EEA1: variants seen among roughly 807,000 people sequenced by gnomAD.
EEA1 encodes early endosome antigen 1, 162kD.
Under a neutral mutation model 209.2 loss-of-function variants are expected in EEA1, and 111 were observed. That is an observed-to-expected ratio of 0.53 (90% CI 0.45 to 0.62). EEA1 has a LOEUF of 0.62. EEA1 is among the 20% of genes least tolerant of loss of function. The pLI is 0.00. For missense variants in EEA1, 1,343 were observed against 1,530.8 expected (o/e 0.88, Z 2.05); for synonymous variants, 536 against 540.6 (o/e 0.99, Z 0.12).
chr12:92,801,237 C>A (rs901866912), intron 20 of EEA1, among the ~76,000 whole-genome samples: 3 of 151,834 alleles, frequency 2.0e-5, no homozygotes, highest in Admixed American at 2.0e-4. Context: ...TATAGAAAGC[C>A]TTTTAAGATT....
chr12:92,833,415 C>A (rs1473604880), intron 10 of EEA1, among the ~76,000 whole-genome samples: 2 of 152,068 alleles, frequency 1.3e-5, no homozygotes, highest in East Asian at 3.8e-4. Flanking sequence ...AAGCTAATCA[C>A]CTGCCTTAAA....
At chr12:92,921,874 AAAAAAAAAAAAAG>A (rs1881020406) in intron 1 of EEA1, among the ~76,000 whole-genome samples, 1 of 148,906 alleles carries the variant, frequency 6.7e-6, no homozygotes, top group Admixed American at 6.7e-5. Flanking sequence ...CTCAAAAAAA[AAAAAAAAAAAAAG>A]AAAAAAAGAA....
chr12:92,883,200 T>G (rs2136745482), intron 2 of EEA1, among the ~76,000 whole-genome samples: 1 of 152,334 alleles, frequency 6.6e-6, no homozygotes. Context: ...TCTTGGCCAT[T>G]TGTATGTCTT....
chr12:92,858,213 C>T, intron 3 of EEA1: 3 of 706,808 alleles, frequency 4.2e-6, no homozygotes, highest in Non-Finnish European at 8.1e-6. Context: ...CCTTGATGCC[C>T]ACCTTCAACA....
At chr12:92,883,270 AT>A (rs1879235809) in intron 2 of EEA1, among the ~76,000 whole-genome samples, 1 of 152,002 alleles carries the variant, frequency 6.6e-6, no homozygotes, top group African/African-American at 2.4e-5. Context: ...TGCTTGTTCA[AT>A]TGTTTAAGTT....
rs192193527 is a variant in EEA1, at chr12:92,929,196, T to G, written c.-130A>C. ...CGGGAAGGAGGTCGGGGCGAGGCGG[T>G]GGCGACGGCCGCTCGGGCGGCCCCG... On this transcript the variant is annotated 5_prime_UTR_variant, in exon 1 of 29. Coordinates refer to ENST00000322349, the MANE Select transcript of EEA1 (RefSeq NM_003566.4). The G allele has an allele frequency of 1.2e-6, 1 of 862,428 alleles. No individual in the cohort carries two copies. Among genetic ancestry groups the G allele is most frequent in the Non-Finnish European group, 1.7e-6 (1 of 600,542 alleles). The allele number at this position is 862,428 out of a possible 1,614,324, so 53.4% of individuals were successfully genotyped here. A position where few individuals can be genotyped will look rare whatever the true frequency, so the allele number is the denominator to read the frequency against.
intron 3 of EEA1, among the ~76,000 whole-genome samples, chr12:92,860,396 T>C (rs754925507): frequency 3.9e-5 from 6 of 152,162 alleles, no homozygotes; most frequent in Non-Finnish European, 5.9e-5. Flanking sequence ...TACAGAGAAG[T>C]CAGCTTCCTT....
In EEA1 at chr12:92,891,671, A is replaced by C. The variant is rs1186906109; in HGVS notation, c.75T>G (p.Thr25=). The C allele has an allele frequency of 6.2e-7, 1 of 1,611,674 alleles. No individual in the cohort carries two copies. The highest frequency in any genetic ancestry group is 1.1e-5 in the South Asian group (1 of 90,584). ...TATTGACGTCCACTGTGTTTATAGG[A>C]GTTGCTGATGAATCTAAATCAGAAC... ...SQGSDLDSSA[T]PINTVDVNNE... is the part of the protein sequence containing the mutation. Residue 25 remains threonine (T), a synonymous_variant, in exon 2 of 29, where the codon ACT becomes ACG. Coordinates refer to ENST00000322349, the MANE Select transcript of EEA1 (RefSeq NM_003566.4).
intron 10 of EEA1, among the ~76,000 whole-genome samples, chr12:92,834,592 C>CAG (rs1324766997): frequency 1.5e-5 from 2 of 133,438 alleles, no homozygotes; most frequent in African/African-American, 5.5e-5. Context: ...GAGAGGATGA[C>CAG]AGACAGACTT....
intron 9 of EEA1, among the ~76,000 whole-genome samples, chr12:92,843,325 AT>A (rs1877252818): frequency 6.6e-6 from 1 of 151,758 alleles, no homozygotes; most frequent in Non-Finnish European, 1.5e-5. Context: ...CGCCCAGCTA[AT>A]TTTTTTATTT....
chr12:92,837,566 G>A (rs1272285100), intron 10 of EEA1, among the ~76,000 whole-genome samples: 1 of 152,134 alleles, frequency 6.6e-6, no homozygotes, highest in East Asian at 1.9e-4. Flanking sequence ...AGTGACTGTA[G>A]ATAAGCAATA....
chr12:92,835,400 CTTTTTTTTTTTTTTTTTTTT>C (rs140302130), intron 10 of EEA1: 1 of 147,936 alleles, frequency 6.8e-6, no homozygotes. Context: ...AGTTTCACTC[CTTTTTTTTTTTTTTTTTTTT>C]TTTTTTTTTG....
At position 92,787,815 on chromosome 12, in the gene EEA1, A is replaced by C. The variant is rs565453868; in HGVS notation, c.3150+52T>G. ...TTTGGATTCAAATAGATCATTTAAT[A>C]AATGTCTATAAAACTTACTGAGACT... On this transcript the variant is annotated intron_variant, in intron 22 of 28. Coordinates refer to ENST00000322349, the MANE Select transcript of EEA1 (RefSeq NM_003566.4). 19 of 1,324,480 alleles carry C rather than the reference A, an allele frequency of 1.4e-5. No individual in the cohort carries two copies. In the East Asian group the frequency reaches 4.6e-4, roughly 32 times the overall value. 82.0% of individuals were successfully genotyped at this position (1,324,480 alleles called of 1,614,324 possible). A position where few individuals can be genotyped will look rare whatever the true frequency, so the allele number is the denominator to read the frequency against.
chr12:92,881,623 G>A (rs577365168), intron 2 of EEA1, among the ~76,000 whole-genome samples: 14 of 152,084 alleles, frequency 9.2e-5, no homozygotes, highest in Non-Finnish European at 1.8e-4. Flanking sequence ...AGTAAGATGA[G>A]GACAAAGAAG....
At chr12:92,911,434 G>A (rs1289184728) in intron 1 of EEA1, among the ~76,000 whole-genome samples, 1 of 152,158 alleles carries the variant, frequency 6.6e-6, no homozygotes, top group African/African-American at 2.4e-5. Context: ...TTCTGGAAAA[G>A]GCAAAACTAT....
chr12:92,775,501 A>G lies in EEA1; in HGVS notation c.*510T>C, dbSNP rs1052023278. On this transcript the variant is annotated 3_prime_UTR_variant, in exon 29 of 29. Transcript: ENST00000322349. ...AACAATGCAACTGAACCATGAACCCACATATAAGAGAAAAAGGCAGAGGAA... is the reference window on the plus strand; with the variant it reads ...AACAATGCAACTGAACCATGAACCCGCATATAAGAGAAAAAGGCAGAGGAA... 1 of 152,178 alleles carries G rather than the reference A, an allele frequency of 6.6e-6. No homozygotes were observed. The highest frequency in any genetic ancestry group is 2.4e-5 in the African/African-American group (1 of 41,418). The allele number at this position is 152,178 out of a possible 1,614,324, so 9.4% of individuals were successfully genotyped here.
At chr12:92,778,880 A>T (rs1179405800) in intron 25 of EEA1, among the ~76,000 whole-genome samples, 1 of 152,032 alleles carries the variant, frequency 6.6e-6, no homozygotes, top group Non-Finnish European at 1.5e-5. Flanking sequence ...AAACAAAAAA[A>T]ATTTTTTAAT....
chr12:92,921,846 G>A (rs1362545935), intron 1 of EEA1, among the ~76,000 whole-genome samples: 14 of 117,308 alleles, frequency 1.2e-4, no homozygotes, highest in Non-Finnish European at 2.0e-4. Context: ...CCAGCCTGGC[G>A]ACAGAGCAAG....
At position 92,788,009 on chromosome 12, in the gene EEA1, G is replaced by A. The variant is rs373054361; in HGVS notation, c.3008C>T (p.Ala1003Val). 5.6e-6 allele frequency: 9 copies of A among 1,608,394 alleles called. No individual in the cohort carries two copies. Among genetic ancestry groups the A allele is most frequent in the Non-Finnish European group, 7.6e-6 (9 of 1,177,498 alleles). The change falls in exon 22 of 29, where the codon GCA becomes GTA. Residue 1003 changes from alanine to valine, a missense_variant. Around this residue, in one of 3 missense-constraint regions of EEA1, gnomAD observed 1,307 missense variants for 1,465.5 expected, o/e 0.89. Coordinates refer to ENST00000322349, the MANE Select transcript of EEA1 (RefSeq NM_003566.4). ...TTTCTCTGCTGCAAGTTCCTGGGCT[G>A]CCTGTGTTAACTGCTGCTGTAGTTT... ...ENKLQQQLTQ[A>V]AQELAAEKEK...
Sources: allele counts gnomAD v4.1 joint callset (sites outside exome capture counted in the v4.1 genomes callset), GRCh38; gene constraint gnomAD v4.1.1; regional missense constraint gnomAD v4.1.1; transcripts MANE v1.5; gene names NCBI Gene and HGNC (gene_info 2026-07-23, HGNC 2026-07-21).